The following MTIF3 variants were observed in gnomAD, a reference collection of about 807,000 sequenced individuals.
MTIF3 encodes translation initiation factor IF-3, mitochondrial.
MTIF3 carries 13 observed loss-of-function variants against 20.7 expected under a neutral mutation model. The observed-to-expected ratio is 0.63, with a 90% CI of 0.41 to 1.00. MTIF3 has a LOEUF of 1.00. Among genes scored for constraint, MTIF3 ranks in the 50% least tolerant of loss-of-function variants. The probability of loss-of-function intolerance (pLI) is 0.00; values close to 1 mark genes in which losing one functional copy is unlikely to be tolerated. For missense variants in MTIF3, 295 were observed against 324.5 expected (o/e 0.91, Z 0.70); for synonymous variants, 114 against 112.5 (o/e 1.01, Z -0.08).
Position 27,439,993 on chromosome 13 carries a change from T to C in MTIF3, c.456A>G (p.Lys152=), listed in dbSNP as rs1458469917. Residue 152 remains lysine, a synonymous_variant, in exon 3 of 5, where the codon AAA becomes AAG. Transcript: ENST00000381120. ...AGCCAACAGCAAAATACCTACCAGTTTTGGGGTTCGCCTTCTCCATCTCCC... is the reference window on the plus strand; with the variant it reads ...AGCCAACAGCAAAATACCTACCAGTCTTGGGGTTCGCCTTCTCCATCTCCC... The part of the protein sequence containing the change: ...RLREMEKANP[K]TGPTLRKELI... The C allele has an allele frequency of 6.2e-7, 1 of 1,612,900 alleles. No homozygotes were observed. Among genetic ancestry groups the C allele is most frequent in the Non-Finnish European group, 8.5e-7 (1 of 1,178,902 alleles).
intron 3 of MTIF3, among the ~76,000 whole-genome samples, chr13:27,438,798 CT>C (rs367684607): frequency 7.9e-4 from 116 of 146,518 alleles, no homozygotes; most frequent in Admixed American, 1.3e-3. Flanking sequence ...GCCCAGTGAC[CT>C]TTTTTTTTTT....
chr13:27,444,323 A>G (rs1954104314), intron 2 of MTIF3, among the ~76,000 whole-genome samples: 1 of 152,052 alleles, frequency 6.6e-6, no homozygotes, highest in African/African-American at 2.4e-5. Flanking sequence ...CGAAAAAAAA[A>G]AGAAAAACAC....
Position 27,438,483 on chromosome 13 carries a change from G to T in MTIF3, c.461-1210C>A, listed in dbSNP as rs1030464427. ...CCAGCCTGGGCAACAGAGCAAGACT[G>T]TTTTTTTTTTTTTTTTTTTTTTTTT... On this transcript the variant is annotated intron_variant, in intron 3 of 4. Coordinates refer to ENST00000381120, the MANE Select transcript of MTIF3 (RefSeq NM_152912.5). Among the ~76,000 whole-genome samples the T allele has an allele frequency of 7.3e-3, 777 of 107,098 alleles. 10 individuals carry two copies. The highest frequency in any genetic ancestry group is 0.056 in the East Asian group (145 of 2,576). 70.3% of individuals were successfully genotyped at this position (107,098 alleles called of 152,430 possible). A position where few individuals can be genotyped will look rare whatever the true frequency, so the allele number is the denominator to read the frequency against.
chr13:27,439,925 T>C, intron 3 of MTIF3, 64 bp downstream of exon 3: 1 of 1,439,948 alleles, frequency 6.9e-7, no homozygotes, highest in Non-Finnish European at 9.5e-7. Flanking sequence ...TGACAAATGC[T>C]AGAATTTAAA....
At chr13:27,437,313 T>TC in intron 3 of MTIF3, 40 bp from the exon 4 acceptor site, 1 of 1,581,382 alleles carries the variant, frequency 6.3e-7, no homozygotes, top group African/African-American at 1.4e-5. Flanking sequence ...TACTGACTAG[T>TC]CCACTGTGAA....
Position 27,435,772 on chromosome 13 carries a change from T to C in MTIF3, c.740A>G (p.Glu247Gly), listed in dbSNP as rs140779666. 48 of 1,614,060 alleles carry C rather than the reference T, an allele frequency of 3.0e-5. No individual in the cohort carries two copies. The highest frequency in any genetic ancestry group is 3.7e-5 in the Non-Finnish European group (44 of 1,180,012). The change falls in exon 5 of 5, where the codon GAG (glutamate) becomes GGG (glycine). Residue 247 changes from glutamate (E) to glycine (G), a missense_variant. Glu to Gly is a moderately conservative substitution (Grantham distance 98). Coordinates refer to ENST00000381120, the MANE Select transcript of MTIF3 (RefSeq NM_152912.5). ...MCVLRAFSKNEEKAYKETQET... is the reference protein window; with the variant it reads ...MCVLRAFSKNGEKAYKETQET... ...TTGAGTTTCTTTATATGCCTTCTCC[T>C]CATTTTTGCTGAAAGCACGAAGAAC...
intron 2 of MTIF3, among the ~76,000 whole-genome samples, chr13:27,442,952 C>T (rs539229041): frequency 2.6e-4 from 39 of 152,322 alleles, no homozygotes; most frequent in African/African-American, 8.7e-4. Context: ...CTGTGTTCCC[C>T]GGCACTACAG....
chr13:27,441,400 G>A (rs966783880), intron 2 of MTIF3, among the ~76,000 whole-genome samples: 1 of 152,192 alleles, frequency 6.6e-6, no homozygotes, highest in African/African-American at 2.4e-5. Context: ...GACCTCTCCA[G>A]GAAGGAAGCC....
intron 1 of MTIF3, chr13:27,449,798 A>G (rs1954299944): frequency 6.6e-6 from 1 of 152,218 alleles, no homozygotes; most frequent in Non-Finnish European, 1.5e-5. Flanking sequence ...CGATTTTCAG[A>G]TTCTTCTCTC....
chr13:27,440,241 T>C lies in MTIF3; in HGVS notation c.208A>G (p.Lys70Glu). ...ACGTTACTAAAAGCTGTTTTATTCT[T>C]TTTTGTCTTTTTTCCTTCATTCTGG... is the stretch of plus-strand genomic sequence containing the variant. Reference protein sequence around the residue: ...DTQNEGKKTKKNKTAFSNVGR... With the variant: ...DTQNEGKKTKENKTAFSNVGR... Residue 70 changes from lysine (K) to glutamate (E), a missense_variant, in exon 3 of 5, where the codon AAG (lysine) becomes GAG (glutamate). Transcript: ENST00000381120. 1 of 1,614,236 alleles carries C rather than the reference T, an allele frequency of 6.2e-7. No individual in the cohort carries two copies. Among genetic ancestry groups the C allele is most frequent in the Non-Finnish European group, 8.5e-7 (1 of 1,180,030 alleles).
At chr13:27,447,429 C>T (rs908643900) in intron 1 of MTIF3, among the ~76,000 whole-genome samples, 10 of 152,154 alleles carry the variant, frequency 6.6e-5, no homozygotes, top group Admixed American at 6.5e-4. Flanking sequence ...CGCTTACGTT[C>T]TTATGATAAT....
chr13:27,444,002 T>C (rs1382989105), intron 2 of MTIF3, among the ~76,000 whole-genome samples: 2 of 152,104 alleles, frequency 1.3e-5, no homozygotes, highest in African/African-American at 2.4e-5. Context: ...AGGGAAAGAA[T>C]AGAAAAACAC....
chr13:27,450,383 C>T (rs991737510), intron 1 of MTIF3, 126 bp downstream of exon 1: 3 of 151,314 alleles, frequency 2.0e-5, no homozygotes, highest in African/African-American at 7.4e-5. Flanking sequence ...CCTCTCCGCC[C>T]TCGGTACCGG....
At chr13:27,446,363 T>C (rs1954182295) in intron 1 of MTIF3, among the ~76,000 whole-genome samples, 1 of 152,228 alleles carries the variant, frequency 6.6e-6, no homozygotes, top group African/African-American at 2.4e-5. Flanking sequence ...CGCCTGTTAA[T>C]TTTCTTAGGT....
intron 1 of MTIF3, among the ~76,000 whole-genome samples, chr13:27,449,360 G>A (rs1163945256): frequency 1.3e-5 from 2 of 152,110 alleles, no homozygotes; most frequent in African/African-American, 2.4e-5. Flanking sequence ...ACTGCACTGC[G>A]GTCACTACAC....
At chr13:27,446,894 G>A (rs887102615) in intron 1 of MTIF3, among the ~76,000 whole-genome samples, 3 of 152,128 alleles carry the variant, frequency 2.0e-5, no homozygotes, top group Non-Finnish European at 4.4e-5. Context: ...CAATGTATAC[G>A]ATTCGGGTGA....
chr13:27,440,450 C>T lies in MTIF3; in HGVS notation c.-1-1G>A. 1 of 1,587,338 alleles carries T rather than the reference C, an allele frequency of 6.3e-7. No homozygotes were observed. The highest frequency in any genetic ancestry group is 1.7e-4 in the Middle Eastern group (1 of 5,746). ...CCTCTTTAGAAAAAGAGCAGCCATC[C>T]TAAGAAAGTAGTAAGAAGAGTTCAT... On this transcript the variant is annotated splice_acceptor_variant, in intron 2 of 4. Transcript: ENST00000381120. LOFTEE classifies it low-confidence loss of function (5UTR_SPLICE).
chr13:27,439,474 C>A (rs116480796), intron 3 of MTIF3, among the ~76,000 whole-genome samples: 2 of 152,074 alleles, frequency 1.3e-5, no homozygotes, highest in Non-Finnish European at 2.9e-5. Context: ...CCAGCCTGGG[C>A]GGCAGGCAGA....
In MTIF3 at chr13:27,435,896, A is replaced by G; in HGVS notation, c.619-3T>C. The G allele has an allele frequency of 6.3e-7, 1 of 1,599,808 alleles. No individual in the cohort carries two copies. Among genetic ancestry groups the G allele is most frequent in the Non-Finnish European group, 8.6e-7 (1 of 1,169,156 alleles). ...AGTATTTGATGAAATATCTCCTCCTAAAAAAGGGAAACAGCCAAAGATTAA... is the reference window on the plus strand; with the variant it reads ...AGTATTTGATGAAATATCTCCTCCTGAAAAAGGGAAACAGCCAAAGATTAA... On this transcript the variant is annotated splice_polypyrimidine_tract_variant and splice_region_variant and intron_variant, in intron 4 of 4. Coordinates refer to ENST00000381120, the MANE Select transcript of MTIF3 (RefSeq NM_152912.5).
Sources: allele counts gnomAD v4.1 joint callset (sites outside exome capture counted in the v4.1 genomes callset), GRCh38; gene constraint gnomAD v4.1.1; transcripts MANE v1.5; gene names NCBI Gene and HGNC (gene_info 2026-07-23, HGNC 2026-07-21).